The following TEKT3 variants were observed in gnomAD, a reference collection of about 807,000 sequenced individuals.
TEKT3 encodes the protein tektin-3.
TEKT3 carries 49 observed loss-of-function variants against 49.8 expected under a neutral mutation model. The observed-to-expected ratio is 0.98, with a 90% CI of 0.78 to 1.25. The LOEUF is 1.25. Among genes scored for constraint, TEKT3 ranks in the 50% most tolerant of loss-of-function variants. TEKT3 has a pLI of 0.00. For synonymous variants in TEKT3, 225 were observed against 237.2 expected, an observed-to-expected ratio of 0.95 and a Z score of 0.47; for missense variants, 595 against 629.5, an observed-to-expected ratio of 0.95 and a Z score of 0.59.
chr17:15,336,115 CA>C (rs1911970690), intron 2 of TEKT3, among the ~76,000 whole-genome samples: 1 of 152,004 alleles, frequency 6.6e-6, no homozygotes, highest in Admixed American at 6.6e-5. Context: ...CACACACACA[CA>C]CACACACACA....
intron 2 of TEKT3, among the ~76,000 whole-genome samples, chr17:15,337,063 GA>G (rs149496365): frequency 6.8e-4 from 102 of 150,594 alleles, no homozygotes; most frequent in African/African-American, 2.1e-3. Context: ...TTTTGTTTCA[GA>G]AAAAAAATAA....
At chr17:15,305,923 T>C (rs1016416699) in intron 8 of TEKT3, among the ~76,000 whole-genome samples, 6 of 152,142 alleles carry the variant, frequency 3.9e-5, no homozygotes, top group African/African-American at 1.4e-4. Context: ...TTTCATCATC[T>C]TCAAGGCCCT....
intron 4 of TEKT3, among the ~76,000 whole-genome samples, chr17:15,319,622 A>T (rs1303192384): frequency 6.6e-6 from 1 of 152,202 alleles, no homozygotes; most frequent in Non-Finnish European, 1.5e-5. Context: ...GGGTCCAAAC[A>T]TGGAGGCTGA....
At chr17:15,339,541 C>T (rs573909728) in intron 2 of TEKT3, among the ~76,000 whole-genome samples, 54 of 152,288 alleles carry the variant, frequency 3.5e-4, no homozygotes, top group African/African-American at 1.1e-3. Context: ...TTTTAAGAAC[C>T]GGAAAGCTCC....
Position 15,314,568 on chromosome 17 carries a change from G to A in TEKT3, c.735-338C>T, listed in dbSNP as rs559115542. Among the ~76,000 whole-genome samples, 28 of 152,270 alleles carry A rather than the reference G, an allele frequency of 1.8e-4. 1 individual carries two copies. The South Asian group carries it at 3.1e-3, about 17-fold the overall frequency. On this transcript the variant is annotated intron_variant, in intron 5 of 8. Transcript: ENST00000395930. Reference sequence around the variant, plus strand: ...ACACAAACTCTTCCAGACAGGACACGGGTTCAAAGTAATCTGTCCACATCT... The same window carrying A: ...ACACAAACTCTTCCAGACAGGACACAGGTTCAAAGTAATCTGTCCACATCT...
chr17:15,315,591 A>G (rs79715214), intron 5 of TEKT3, among the ~76,000 whole-genome samples: 2 of 49,416 alleles, frequency 4.0e-5, no homozygotes, highest in Non-Finnish European at 5.6e-5. Flanking sequence ...ACCAGTGAGA[A>G]AAAAAAAAAA....
At chr17:15,316,673 C>T (rs935866749) in intron 5 of TEKT3, among the ~76,000 whole-genome samples, 2 of 152,146 alleles carry the variant, frequency 1.3e-5, no homozygotes, top group South Asian at 4.1e-4. Context: ...ATCAGACAGC[C>T]CTGGTTCAAA....
At chr17:15,315,429 G>C (rs1256781472) in intron 5 of TEKT3, among the ~76,000 whole-genome samples, 1 of 152,192 alleles carries the variant, frequency 6.6e-6, no homozygotes, top group Non-Finnish European at 1.5e-5. Context: ...GCCGGGGGCA[G>C]GAAGACCCAT....
At chr17:15,337,820 G>T (rs528884673) in intron 2 of TEKT3, among the ~76,000 whole-genome samples, 2 of 152,194 alleles carry the variant, frequency 1.3e-5, no homozygotes, top group South Asian at 2.1e-4. Context: ...CAGCCTGGGC[G>T]ACAGAGTGAG....
At chr17:15,334,500 G>T in intron 2 of TEKT3, among the ~76,000 whole-genome samples, 1 of 152,216 alleles carries the variant, frequency 6.6e-6, no homozygotes, top group African/African-American at 2.4e-5. Context: ...TGTTTGAAAT[G>T]TGAGTCATCT....
At chr17:15,321,060 A>G (rs574369994) in intron 4 of TEKT3, among the ~76,000 whole-genome samples, 111 of 149,526 alleles carry the variant, frequency 7.4e-4, no homozygotes, top group South Asian at 1.5e-3. Flanking sequence ...CCCAGGCCGG[A>G]GTGCAGTGGC....
chr17:15,319,329 A>G (rs1288281101), intron 4 of TEKT3, among the ~76,000 whole-genome samples, 182 bp from the exon 5 acceptor site: 3 of 152,224 alleles, frequency 2.0e-5, no homozygotes, highest in Non-Finnish European at 4.4e-5. Flanking sequence ...GAATCTAAAT[A>G]TCAGACTAAG....
At position 15,319,059 on chromosome 17, in the gene TEKT3, G is replaced by C. The variant is rs376304969; in HGVS notation, c.734+18C>G. 39 of 1,592,282 alleles carry C rather than the reference G, an allele frequency of 2.4e-5. No homozygotes were observed. Among genetic ancestry groups the C allele is most frequent in the Middle Eastern group, 1.7e-4 (1 of 5,916 alleles). On this transcript the variant is annotated intron_variant, in intron 5 of 8. Coordinates refer to ENST00000395930, the MANE Select transcript of TEKT3 (RefSeq NM_031898.3). The stretch of plus-strand genomic sequence containing the variant: ...TCAATGATAGATTTTGAATTGTATA[G>C]AGACATAAAGCTCTTACGCAAGTTG...
rs142438638 is a variant in TEKT3 at position 15,306,081 on chromosome 17, T to TTATATATA, written c.1257-1937_1257-1930dup. Among the ~76,000 whole-genome samples, 729 of 132,802 alleles carry TTATATATA rather than the reference T, an allele frequency of 5.5e-3. 3 individuals carry two copies. The highest frequency in any genetic ancestry group is 0.033 in the Middle Eastern group (9 of 276). The allele number at this position is 132,802 out of a possible 152,430, so 87.1% of individuals were successfully genotyped here. A position where few individuals can be genotyped will look rare whatever the true frequency, so the allele number is the denominator to read the frequency against. Reference sequence around the variant, plus strand: ...TACAAATAAAGCTACCACAGTTTATTTATATATATGTGTGTGTGTGTGTGT... The same window carrying TTATATATA: ...TACAAATAAAGCTACCACAGTTTATTTATATATATATATATATGTGTGTGTGTGTGTGT... On this transcript the variant is annotated intron_variant, in intron 8 of 8. Coordinates refer to ENST00000395930, the MANE Select transcript of TEKT3 (RefSeq NM_031898.3).
chr17:15,334,616 T>A (rs1911910089), intron 2 of TEKT3, among the ~76,000 whole-genome samples: 1 of 152,214 alleles, frequency 6.6e-6, no homozygotes. Context: ...ATGTGTTTTT[T>A]AATTAGAGGT....
At chr17:15,342,565 G>A (rs1912268134), upstream of TEKT3, among the ~76,000 whole-genome samples, 1 of 152,178 alleles carries the variant, frequency 6.6e-6, no homozygotes, top group Admixed American at 6.5e-5. Context: ...ACTTCAAGTC[G>A]GGGGCTGGTC....
rs2058902881 is a variant in TEKT3 at position 15,331,139 on chromosome 17, A to C, written c.447T>G (p.Arg149=). ...ATTTCCAAAACCCTATGTCATTGAC[A>C]CGTTCTCCCAGATTTTGGGTTGTGT... is the stretch of plus-strand genomic sequence containing the variant. The part of the protein sequence containing the change: ...QADTTQNLGE[R]VNDIGFWKSE... Residue 149 remains arginine, a synonymous_variant, in exon 3 of 9, where the codon CGT becomes CGG. Transcript: ENST00000395930. 6.2e-7 allele frequency: 1 copy of C among 1,614,078 alleles called. No homozygotes were observed. The highest frequency in any genetic ancestry group is 1.7e-5 in the Admixed American group (1 of 60,000).
upstream of TEKT3, among the ~76,000 whole-genome samples, chr17:15,343,080 G>C (rs1912282821): frequency 6.6e-6 from 1 of 152,206 alleles, no homozygotes; most frequent in Non-Finnish European, 1.5e-5. Flanking sequence ...ACTGGCAACT[G>C]TTCTAAAGTA....
chr17:15,305,092 G>A (rs1215172583), intron 8 of TEKT3, among the ~76,000 whole-genome samples: 1 of 152,182 alleles, frequency 6.6e-6, no homozygotes, highest in Non-Finnish European at 1.5e-5. Flanking sequence ...TAGGTGAAAC[G>A]GAGGACGTCT....
Sources: gnomAD v4.1 joint callset for allele counts (sites outside exome capture counted in the v4.1 genomes callset) on GRCh38, gnomAD v4.1.1 for gene constraint, MANE v1.5 for transcripts, NCBI Gene and HGNC (gene_info 2026-07-23, HGNC 2026-07-21) for gene names.